Variants in TMEM232 observed in about 807,000 individuals in gnomAD.
The protein encoded by TMEM232 is transmembrane protein 232.
Under a neutral mutation model 78.8 loss-of-function variants are expected in TMEM232, and 80 were observed. The ratio of observed to expected loss-of-function variants is 1.01; its 90% CI spans 0.85 to 1.22. The LOEUF (loss-of-function observed/expected upper bound fraction) is 1.22, where lower values mean the gene tolerates loss of function less well. Ranked by LOEUF, TMEM232 falls within the 50% of genes most tolerant of loss-of-function variation. The pLI is 0.00. For missense variants in TMEM232, 881 were observed against 742.2 expected (o/e 1.19, Z -2.17); for synonymous variants, 297 against 254.3 (o/e 1.17, Z -1.60).
At chr5:110,427,980 A>G (rs1757425755) in intron 12 of TMEM232, among the ~76,000 whole-genome samples, 2 of 151,934 alleles carry the variant, frequency 1.3e-5, no homozygotes, top group African/African-American at 4.8e-5. Flanking sequence ...TTTATCCCTC[A>G]TGTTAGAAAC....
chr5:110,656,873 T>C (rs1235082002), intron 2 of TMEM232, among the ~76,000 whole-genome samples: 1 of 151,848 alleles, frequency 6.6e-6, no homozygotes, highest in East Asian at 1.9e-4. Context: ...AGAAAATCAT[T>C]AGAGTTAATA....
downstream of TMEM232, among the ~76,000 whole-genome samples, chr5:110,414,587 G>C (rs1475085873): frequency 1.3e-5 from 2 of 152,196 alleles, no homozygotes; most frequent in African/African-American, 4.8e-5. Flanking sequence ...GGCTCCCTCT[G>C]CTGGTTTTCT....
At chr5:110,424,180 C>A (rs1472986474) in intron 13 of TMEM232, among the ~76,000 whole-genome samples, 5 of 151,942 alleles carry the variant, frequency 3.3e-5, no homozygotes, top group African/African-American at 1.2e-4. Flanking sequence ...AATTTAATTG[C>A]AATCTGAGAG....
At chr5:110,627,428 G>T (rs989261204) in intron 6 of TMEM232, among the ~76,000 whole-genome samples, 1 of 152,044 alleles carries the variant, frequency 6.6e-6, no homozygotes, top group Non-Finnish European at 1.5e-5. Context: ...GGGGAAGGGG[G>T]AGATATCAGA....
intron 1 of TMEM232, among the ~76,000 whole-genome samples, chr5:110,736,365 AT>A: frequency 6.6e-6 from 1 of 152,098 alleles, no homozygotes; most frequent in Non-Finnish European, 1.5e-5. Flanking sequence ...TTCTAAAATA[AT>A]TTTTCTTCTT....
chr5:110,608,206 T>C (rs1418452811), intron 8 of TMEM232, among the ~76,000 whole-genome samples: 2 of 151,910 alleles, frequency 1.3e-5, no homozygotes, highest in African/African-American at 4.8e-5. Flanking sequence ...ATAAAGAAAA[T>C]ACAGCAAAAC....
chr5:110,600,405 T>C (rs1019450208), intron 10 of TMEM232, among the ~76,000 whole-genome samples: 1 of 151,774 alleles, frequency 6.6e-6, no homozygotes, highest in African/African-American at 2.4e-5. Context: ...ACAAAATAGA[T>C]AGAACGCTAG....
intron 3 of TMEM232, among the ~76,000 whole-genome samples, chr5:110,395,737 T>C (rs2112562365): frequency 6.6e-6 from 1 of 152,278 alleles, no homozygotes; most frequent in Non-Finnish European, 1.5e-5. Context: ...CAAGTTGAAA[T>C]CAAGAATCCA....
intron 2 of TMEM232, among the ~76,000 whole-genome samples, chr5:110,732,476 G>A (rs1351083873): frequency 6.6e-6 from 1 of 152,188 alleles, no homozygotes; most frequent in Non-Finnish European, 1.5e-5. Context: ...GGCTGCAGAG[G>A]CCTCAGAATC....
intron 1 of TMEM232, among the ~76,000 whole-genome samples, chr5:110,696,094 G>T (rs921200324): frequency 6.6e-6 from 1 of 152,096 alleles, no homozygotes; most frequent in Non-Finnish European, 1.5e-5. Context: ...ACATCAAAAA[G>T]CTTATCCACC....
intron 1 of TMEM232, among the ~76,000 whole-genome samples, chr5:110,675,058 T>TA (rs1791850744): frequency 7.0e-6 from 1 of 142,300 alleles, no homozygotes; most frequent in African/African-American, 2.6e-5. Context: ...TTTATTTATT[T>TA]TGAGACAGAG....
Position 110,549,354 on chromosome 5 carries a change from C to A in TMEM232, c.1455+19093G>T, listed in dbSNP as rs144609099. Among the ~76,000 whole-genome samples the A allele has an allele frequency of 2.1e-3, 312 of 151,934 alleles. 3 individuals carry two copies. The highest frequency in any genetic ancestry group is 3.4e-3 in the Middle Eastern group (1 of 294). ...GAGAGGCCAAGCAGAGTGGCTCAGGCCTGTAATCCCAGTGTTTTGAGGGGC... is the reference window on the plus strand; with the variant it reads ...GAGAGGCCAAGCAGAGTGGCTCAGGACTGTAATCCCAGTGTTTTGAGGGGC... On this transcript the variant is annotated intron_variant, in intron 11 of 13. Transcript: ENST00000455884.
At chr5:110,404,089 C>A (rs746622992) in intron 2 of TMEM232, among the ~76,000 whole-genome samples, 13 of 152,010 alleles carry the variant, frequency 8.6e-5, no homozygotes, top group Non-Finnish European at 1.9e-4. Flanking sequence ...AGGATGCCTG[C>A]ACCCTCTTCC....
intron 12 of TMEM232, among the ~76,000 whole-genome samples, chr5:110,472,017 T>G (rs1762746857): frequency 6.6e-6 from 1 of 151,978 alleles, no homozygotes; most frequent in Non-Finnish European, 1.5e-5. Context: ...CCTAGACACT[T>G]CTATTCAACA....
chr5:110,699,618 C>T (rs1394664192), intron 1 of TMEM232, among the ~76,000 whole-genome samples: 1 of 152,034 alleles, frequency 6.6e-6, no homozygotes, highest in African/African-American at 2.4e-5. Context: ...TGCTTCTATA[C>T]ATGAAGTGAA....
intron 12 of TMEM232, among the ~76,000 whole-genome samples, chr5:110,490,173 GA>G (rs1273796204): frequency 7.9e-6 from 1 of 126,402 alleles, no homozygotes; most frequent in Non-Finnish European, 1.6e-5. Flanking sequence ...AAGAAAGAAA[GA>G]AAGAAAGAAA....
At chr5:110,407,406 T>G (rs895612309) in intron 2 of TMEM232, among the ~76,000 whole-genome samples, 1 of 152,058 alleles carries the variant, frequency 6.6e-6, no homozygotes, top group African/African-American at 2.4e-5. Context: ...ATAAACAGAT[T>G]ACAAATCTAT....
intron 12 of TMEM232, among the ~76,000 whole-genome samples, chr5:110,481,659 A>G (rs1444686604): frequency 2.0e-5 from 3 of 152,208 alleles, no homozygotes; most frequent in Admixed American, 6.6e-5. Flanking sequence ...AGCAAATCAC[A>G]GTTTCAAAAT....
intron 5 of TMEM232, among the ~76,000 whole-genome samples, chr5:110,633,924 C>T (rs1785474630): frequency 6.6e-6 from 1 of 152,000 alleles, no homozygotes; most frequent in South Asian, 2.1e-4. Context: ...TTTTTACAAA[C>T]ATAATCTAAT....
Sources: allele counts gnomAD v4.1 joint callset (sites outside exome capture counted in the v4.1 genomes callset), GRCh38; gene constraint gnomAD v4.1.1; transcripts MANE v1.5; gene names NCBI Gene and HGNC (gene_info 2026-07-23, HGNC 2026-07-21).